Variants in SYK observed in about 807,000 individuals in gnomAD.
SYK encodes tyrosine-protein kinase SYK.
In SYK, 16 loss-of-function variants were observed where a neutral mutation model predicts 77.8. The ratio of observed to expected loss-of-function variants is 0.21; its 90% CI spans 0.14 to 0.31. The LOEUF is 0.31. SYK is among the 10% of genes least tolerant of loss of function. The pLI, the probability that SYK is intolerant of heterozygous loss-of-function variation, is 1.00. For missense variants in SYK, 529 were observed against 814.4 expected (o/e 0.65, Z 4.26); for synonymous variants, 312 against 308.7 (o/e 1.01, Z -0.11).
chr9:90,852,178 C>T (rs2118704007), intron 3 of SYK, among the ~76,000 whole-genome samples: 1 of 152,274 alleles, frequency 6.6e-6, no homozygotes, highest in East Asian at 1.9e-4. Context: ...ATATCATGTA[C>T]ATTTTTAGAA....
At chr9:90,873,501 C>T (rs532877053) in intron 7 of SYK, among the ~76,000 whole-genome samples, 1 of 152,110 alleles carries the variant, frequency 6.6e-6, no homozygotes, top group Non-Finnish European at 1.5e-5. Context: ...TTTCCCCCCC[C>T]AGTTGTTTCA....
At chr9:90,894,758 A>G (rs1828918462) in intron 13 of SYK, among the ~76,000 whole-genome samples, 2 of 152,396 alleles carry the variant, frequency 1.3e-5, no homozygotes, top group South Asian at 4.1e-4. Flanking sequence ...TCAGGGTTTT[A>G]GTACTTACTT....
intron 1 of SYK, among the ~76,000 whole-genome samples, chr9:90,820,181 TTGAG>T (rs1295947314): frequency 1.3e-5 from 2 of 152,196 alleles, no homozygotes; most frequent in Non-Finnish European, 2.9e-5. Context: ...CAGGTTGGCA[TTGAG>T]TGTCTGTGGC....
chr9:90,817,350 T>C (rs948497423), intron 1 of SYK, among the ~76,000 whole-genome samples: 14 of 152,208 alleles, frequency 9.2e-5, no homozygotes, highest in African/African-American at 3.4e-4. Flanking sequence ...ATATTTTAGA[T>C]CACCCCTGTC....
intron 13 of SYK, among the ~76,000 whole-genome samples, chr9:90,891,443 A>G (rs569631561): frequency 6.6e-6 from 1 of 152,144 alleles, no homozygotes; most frequent in Non-Finnish European, 1.5e-5. Context: ...CAACAAGGAA[A>G]GTGGAAGAGG....
At chr9:90,879,207 GT>G (rs1828056493) in intron 11 of SYK, among the ~76,000 whole-genome samples, 2 of 152,204 alleles carry the variant, frequency 1.3e-5, no homozygotes, top group South Asian at 4.1e-4. Flanking sequence ...GAGGTATTAA[GT>G]GAAGATTTGT....
intron 13 of SYK, among the ~76,000 whole-genome samples, chr9:90,891,512 C>T (rs915458283): frequency 3.9e-5 from 6 of 152,080 alleles, no homozygotes; most frequent in South Asian, 4.1e-4. Flanking sequence ...ACACAGCTGC[C>T]GGCATTTACC....
chr9:90,853,654 A>G (rs1370837636), intron 3 of SYK, among the ~76,000 whole-genome samples: 2 of 151,880 alleles, frequency 1.3e-5, no homozygotes, highest in Non-Finnish European at 2.9e-5. Context: ...TCTCACTCAT[A>G]GGTGGGAACT....
chr9:90,898,359 T>C lies in SYK; in HGVS notation c.*2759T>C, dbSNP rs1325449381. The C allele has an allele frequency of 8.8e-6, 2 of 228,330 alleles. No homozygotes were observed. The highest frequency in any genetic ancestry group is 1.7e-5 in the Non-Finnish European group (2 of 115,046). The allele number at this position is 228,330 out of a possible 1,614,324, so 14.1% of individuals were successfully genotyped here. A position where few individuals can be genotyped will look rare whatever the true frequency, so the allele number is the denominator to read the frequency against. On this transcript the variant is annotated 3_prime_UTR_variant, in exon 14 of 14. Transcript: ENST00000375754. ...TATGGTGATTGCACTTGGACATCAG[T>C]CCAATGACTGCAAGTCGGCCTGGAT...
In SYK at chr9:90,895,261, C is replaced by G. The variant is rs912645907; in HGVS notation, c.1836-267C>G. The stretch of plus-strand genomic sequence containing the variant: ...CTCCCAGTTCTAATGCAAAAAGTCT[C>G]CTACTTTAGGGTGGACATGAATCAC... On this transcript the variant is annotated intron_variant, in intron 13 of 13. Transcript: ENST00000375754. This position sits in a 1 kb window ranked among gnomAD's most constrained non-coding sequence, Gnocchi z 4.4. Among the ~76,000 whole-genome samples, 36 of 152,200 alleles carry G rather than the reference C, an allele frequency of 2.4e-4. No individual in the cohort carries two copies. The highest frequency in any genetic ancestry group is 7.2e-4 in the African/African-American group (30 of 41,450).
intron 6 of SYK, among the ~76,000 whole-genome samples, chr9:90,865,731 G>A (rs1274454124): frequency 6.6e-6 from 1 of 152,006 alleles, no homozygotes; most frequent in Non-Finnish European, 1.5e-5. Context: ...TGAGAAATGG[G>A]AACATATTTT....
chr9:90,893,036 CG>C (rs1564129243), intron 13 of SYK, among the ~76,000 whole-genome samples: 2 of 152,224 alleles, frequency 1.3e-5, no homozygotes, highest in Admixed American at 6.5e-5. Flanking sequence ...TGGCCACTGC[CG>C]GAGCTCCTGC....
intron 1 of SYK, among the ~76,000 whole-genome samples, chr9:90,807,241 A>C (rs1824874029): frequency 6.6e-6 from 1 of 152,288 alleles, no homozygotes; most frequent in Non-Finnish European, 1.5e-5. Context: ...GAAACCATGC[A>C]TGACCTCTTG....
intron 12 of SYK, 108 bp downstream of exon 12, chr9:90,887,997 T>G (rs987895510): frequency 7.2e-7 from 1 of 1,397,594 alleles, no homozygotes; most frequent in African/African-American, 1.5e-5. Flanking sequence ...CTCATTATCT[T>G]TTACCAGTAA....
intron 1 of SYK, among the ~76,000 whole-genome samples, chr9:90,828,867 G>A (rs547271937): frequency 3.4e-4 from 52 of 152,206 alleles, no homozygotes; most frequent in African/African-American, 1.2e-3. Context: ...TTCCCCACCC[G>A]TGGCAAGTGG....
chr9:90,810,413 C>T lies in SYK; in HGVS notation c.-42+8520C>T, dbSNP rs114687759. Reference sequence around the variant, plus strand: ...GCTCACCCTAAGGACTTCAATGGGGCGTAATCACTGCTGTAAAGACCCTGT... The same window carrying T: ...GCTCACCCTAAGGACTTCAATGGGGTGTAATCACTGCTGTAAAGACCCTGT... On this transcript the variant is annotated intron_variant, in intron 1 of 13. Transcript: ENST00000375754. Among the ~76,000 whole-genome samples the T allele has an allele frequency of 8.2e-3, 1,254 of 152,214 alleles. 20 individuals are homozygous for T. Among genetic ancestry groups the T allele is most frequent in the African/African-American group, 0.029 (1,202 of 41,536 alleles).
chr9:90,814,161 C>A (rs568178320), intron 1 of SYK, among the ~76,000 whole-genome samples: 1 of 152,116 alleles, frequency 6.6e-6, no homozygotes, highest in South Asian at 2.1e-4. Flanking sequence ...AATGTATCAC[C>A]CCCATTATCA....
rs146535589 is a variant in SYK, at chr9:90,821,559, C to T, written c.-42+19666C>T. Reference sequence around the variant, plus strand: ...ACTGGCCCCAGTAATTCAATTACCTCCCCGTGGGTCCCTCTCACAACATGT... The same window carrying T: ...ACTGGCCCCAGTAATTCAATTACCTTCCCGTGGGTCCCTCTCACAACATGT... On this transcript the variant is annotated intron_variant, in intron 1 of 13. Transcript: ENST00000375754. Among the ~76,000 whole-genome samples the T allele has an allele frequency of 3.2e-4, 49 of 152,308 alleles. 2 individuals are homozygous for T. The East Asian group carries it at 9.3e-3, about 29-fold the overall frequency.
intron 1 of SYK, among the ~76,000 whole-genome samples, chr9:90,835,400 A>C (rs1294623029): frequency 6.6e-6 from 1 of 152,220 alleles, no homozygotes; most frequent in Non-Finnish European, 1.5e-5. Context: ...GGGCCGGTGC[A>C]CTTTTAAGAG....
Sources: gnomAD v4.1 joint callset for allele counts (sites outside exome capture counted in the v4.1 genomes callset) on GRCh38, gnomAD v4.1.1 for gene constraint, Gnocchi (gnomAD v3.1) non-coding constraint, MANE v1.5 for transcripts, NCBI Gene and HGNC (gene_info 2026-07-23, HGNC 2026-07-21) for gene names.